Variants in IMMP2L observed in about 807,000 individuals in gnomAD.
The protein encoded by IMMP2L is inner mitochondrial membrane peptidase subunit 2.
A neutral mutation model predicts 19.3 loss-of-function variants in IMMP2L; 18 were observed. The ratio of observed to expected loss-of-function variants is 0.93; its 90% CI spans 0.64 to 1.38. The LOEUF (loss-of-function observed/expected upper bound fraction) is 1.38, where lower values mean the gene tolerates loss of function less well. Among genes scored for constraint, IMMP2L ranks in the 40% most tolerant of loss-of-function variants. The pLI is 0.00. For missense variants in IMMP2L, 233 were observed against 218.2 expected (o/e 1.07, Z -0.43); for synonymous variants, 76 against 73.0 (o/e 1.04, Z -0.21).
chr7:111,060,512 C>G (rs372192238), intron 3 of IMMP2L, among the ~76,000 whole-genome samples: 1 of 152,116 alleles, frequency 6.6e-6, no homozygotes, highest in East Asian at 1.9e-4. Flanking sequence ...AGCACCATAG[C>G]GGGGCTCAGA....
intron 3 of IMMP2L, among the ~76,000 whole-genome samples, chr7:111,108,010 G>C (rs149967403): frequency 1.3e-5 from 2 of 152,152 alleles, no homozygotes; most frequent in African/African-American, 4.8e-5. Flanking sequence ...TTTCTTAACC[G>C]AGTATATATG....
At chr7:111,482,964 T>TA (rs1214188328) in intron 3 of IMMP2L, among the ~76,000 whole-genome samples, 6 of 151,918 alleles carry the variant, frequency 3.9e-5, no homozygotes, top group Admixed American at 3.9e-4. Context: ...ACATAAAAAA[T>TA]AAAAAATGAA....
intron 3 of IMMP2L, among the ~76,000 whole-genome samples, chr7:111,239,399 G>A (rs1037884371): frequency 5.9e-5 from 9 of 151,812 alleles, no homozygotes; most frequent in East Asian, 1.9e-4. Context: ...ACAAACTTTC[G>A]ATAAAATTTG....
chr7:110,680,584 G>T (rs1397049799), intron 5 of IMMP2L, among the ~76,000 whole-genome samples: 1 of 152,142 alleles, frequency 6.6e-6, no homozygotes, highest in Admixed American at 6.6e-5. Flanking sequence ...TGCACATGGT[G>T]AAGGAAGATT....
At chr7:110,873,429 C>CAAAAAAAAAAA (rs60827428) in intron 5 of IMMP2L, among the ~76,000 whole-genome samples, 4 of 28,946 alleles carry the variant, frequency 1.4e-4, no homozygotes, top group Non-Finnish European at 2.9e-4. Context: ...GACTCTATCT[C>CAAAAAAAAAAA]AAAAAAAAAA....
At chr7:111,515,512 T>G (rs889389378) in intron 2 of IMMP2L, among the ~76,000 whole-genome samples, 7 of 152,154 alleles carry the variant, frequency 4.6e-5, no homozygotes, top group African/African-American at 1.7e-4. Flanking sequence ...CAAATATCCA[T>G]GTGACAGCTA....
At chr7:110,972,091 C>A (rs1820198025) in intron 3 of IMMP2L, among the ~76,000 whole-genome samples, 1 of 151,888 alleles carries the variant, frequency 6.6e-6, no homozygotes, top group South Asian at 2.1e-4. Flanking sequence ...AGTAACTACA[C>A]ACAATTTACT....
At chr7:110,901,940 T>C (rs1013524071) in intron 4 of IMMP2L, among the ~76,000 whole-genome samples, 1 of 152,130 alleles carries the variant, frequency 6.6e-6, no homozygotes, top group African/African-American at 2.4e-5. Flanking sequence ...AATGGATTCA[T>C]TTTACAGACT....
intron 3 of IMMP2L, among the ~76,000 whole-genome samples, chr7:111,203,857 C>G (rs1317767396): frequency 5.9e-5 from 9 of 152,040 alleles, no homozygotes; most frequent in Non-Finnish European, 1.3e-4. Context: ...AATCCTAAAA[C>G]TTCTCTTGGA....
intron 3 of IMMP2L, chr7:111,091,450 G>A (rs1046765686): frequency 1.3e-5 from 2 of 152,164 alleles, no homozygotes; most frequent in African/African-American, 4.8e-5. Flanking sequence ...AGGAACTGAG[G>A]AATCCAGCAC....
Position 110,815,922 on chromosome 7 carries a change from T to C in IMMP2L, c.408+70671A>G, listed in dbSNP as rs563627895. The stretch of plus-strand genomic sequence containing the variant: ...TTGATCTTTTCAAAAAACCAGCTCC[T>C]GCATTAATTAATTTTTGAAGGGTTT... On this transcript the variant is annotated intron_variant, in intron 5 of 5. Coordinates refer to ENST00000405709, the MANE Select transcript of IMMP2L (RefSeq NM_032549.4). Among the ~76,000 whole-genome samples the C allele has an allele frequency of 3.0e-3, 454 of 152,264 alleles. 1 individual carries two copies. Among genetic ancestry groups the C allele is most frequent in the Non-Finnish European group, 4.6e-3 (311 of 68,018 alleles).
intron 5 of IMMP2L, among the ~76,000 whole-genome samples, chr7:110,817,985 T>C (rs1417762647): frequency 3.3e-5 from 5 of 152,060 alleles, no homozygotes; most frequent in Non-Finnish European, 7.4e-5. Flanking sequence ...AAGACTTACA[T>C]GTTAGACCTA....
intron 3 of IMMP2L, among the ~76,000 whole-genome samples, chr7:111,076,285 T>C (rs1795404721): frequency 6.6e-6 from 1 of 152,168 alleles, no homozygotes; most frequent in Admixed American, 6.5e-5. Flanking sequence ...AATCCTTAGG[T>C]GATTCATAAG....
intron 5 of IMMP2L, among the ~76,000 whole-genome samples, chr7:110,827,364 CCA>C (rs1280750936): frequency 6.6e-6 from 1 of 152,118 alleles, no homozygotes; most frequent in African/African-American, 2.4e-5. Context: ...GCCAGCACTA[CCA>C]CAGAGTTCTT....
rs1585013826 is a variant in IMMP2L, at chr7:110,846,562, T to C, written c.408+40031A>G. 2.6e-5 allele frequency among the ~76,000 whole-genome samples: 4 copies of C among 151,864 alleles called. No homozygotes were observed. The East Asian group carries it at 7.8e-4, about 30-fold the overall frequency. On this transcript the variant is annotated intron_variant, in intron 5 of 5. Transcript: ENST00000405709. ...TGTATTTTTAGTAGAGACCGGGTTT[T>C]ACCTTGTTGGTCAGGCTGGTCTCGA...
chr7:111,411,345 A>G (rs1834406578), intron 3 of IMMP2L: 2 of 412,148 alleles, frequency 4.9e-6, no homozygotes, highest in Non-Finnish European at 9.6e-6. Context: ...ACCTAGCCAA[A>G]GCCCACAACA....
chr7:111,049,055 T>C (rs1585954584), intron 3 of IMMP2L, among the ~76,000 whole-genome samples: 1 of 151,766 alleles, frequency 6.6e-6, no homozygotes, highest in Non-Finnish European at 1.5e-5. Context: ...AGGCATCTTT[T>C]AAAATTAAAA....
At chr7:110,700,258 G>A (rs1396510384) in intron 5 of IMMP2L, among the ~76,000 whole-genome samples, 2 of 152,094 alleles carry the variant, frequency 1.3e-5, no homozygotes, top group Non-Finnish European at 2.9e-5. Flanking sequence ...ACCTGATCTG[G>A]GACCCATTGC....
At chr7:110,838,331 G>A (rs991338193) in intron 5 of IMMP2L, among the ~76,000 whole-genome samples, 5 of 152,048 alleles carry the variant, frequency 3.3e-5, no homozygotes, top group African/African-American at 1.2e-4. Context: ...CATCTTCAAT[G>A]GTTTGTCCTT....
Sources: allele counts gnomAD v4.1 joint callset (sites outside exome capture counted in the v4.1 genomes callset), GRCh38; gene constraint gnomAD v4.1.1; transcripts MANE v1.5; gene names NCBI Gene and HGNC (gene_info 2026-07-23, HGNC 2026-07-21).